LRRC37A2: variants seen among roughly 807,000 people sequenced by gnomAD.
LRRC37A2 encodes leucine-rich repeat-containing protein 37A2.
Under a neutral mutation model 68.8 loss-of-function variants are expected in LRRC37A2, and 9 were observed. The observed-to-expected ratio is 0.13, with a 90% CI of 0.08 to 0.23. The LOEUF (loss-of-function observed/expected upper bound fraction) is 0.23. Ranked by LOEUF, LRRC37A2 falls within the 10% of genes least tolerant of loss-of-function variation. The pLI is 1.00. For missense variants in LRRC37A2, 168 were observed against 950.4 expected (o/e 0.18, Z 10.82); for synonymous variants, 63 against 367.6 (o/e 0.17, Z 9.48).
At chr17:46,818,439 C>T in the LRRC37A2 span, 1 of 1,439,086 alleles carries the variant, frequency 6.9e-7, no homozygotes, top group East Asian at 2.5e-5. Flanking sequence ...CTGCAGCGGC[C>T]CACCCCCAGC....
the LRRC37A2 span, chr17:46,729,017 C>A: frequency 3.5e-6 from 3 of 851,356 alleles, no homozygotes; most frequent in Non-Finnish European, 3.6e-6. Context: ...TTTAAATAAG[C>A]AGGTTATCAT....
At chr17:46,853,544 G>T in the LRRC37A2 span, among the ~76,000 whole-genome samples, 1 of 151,564 alleles carries the variant, frequency 6.6e-6, no homozygotes, top group Non-Finnish European at 1.5e-5. Flanking sequence ...GCTAATTTTT[G>T]TATTTTTAGT....
the LRRC37A2 span, among the ~76,000 whole-genome samples, chr17:46,844,225 A>G: frequency 2.8e-4 from 43 of 151,666 alleles, no homozygotes; most frequent in African/African-American, 9.7e-4. Context: ...CCAGAATGCT[A>G]GGATTATAGG....
chr17:46,933,958 C>A, the LRRC37A2 span, among the ~76,000 whole-genome samples: 12 of 148,004 alleles, frequency 8.1e-5, no homozygotes, highest in Non-Finnish European at 1.3e-4. Flanking sequence ...AAAAAAAACA[C>A]GAAACAAACC....
the LRRC37A2 span, chr17:46,713,416 A>C: frequency 2.6e-5 from 4 of 156,688 alleles, no homozygotes; most frequent in African/African-American, 9.6e-5. Context: ...TTAGAATTCT[A>C]ACTTTTTACA....
the LRRC37A2 span, among the ~76,000 whole-genome samples, chr17:46,900,031 A>G: frequency 6.6e-6 from 1 of 151,218 alleles, no homozygotes; most frequent in African/African-American, 2.4e-5. Context: ...GGGCACAAGG[A>G]TCTGTATCTT....
chr17:46,551,398 T>C (rs1174888071), intron 11 of LRRC37A2, among the ~76,000 whole-genome samples: 1 of 150,368 alleles, frequency 6.7e-6, no homozygotes, highest in East Asian at 1.9e-4. Flanking sequence ...ACTTGCCTCA[T>C]TTACCATTTC....
chr17:46,819,383 G>C, the LRRC37A2 span, among the ~76,000 whole-genome samples: 1 of 152,144 alleles, frequency 6.6e-6, no homozygotes, highest in Non-Finnish European at 1.5e-5. This position sits in a 1 kb window ranked among gnomAD's most constrained non-coding sequence, Gnocchi z 5.3. Context: ...GATCGGTATC[G>C]GGACCTCCTG....
the LRRC37A2 span, among the ~76,000 whole-genome samples, chr17:46,741,375 T>C: frequency 6.6e-6 from 1 of 152,210 alleles, no homozygotes; most frequent in Non-Finnish European, 1.5e-5. Context: ...AAGGGTTCAG[T>C]TTCTCGTTTC....
chr17:46,943,943 C>T, the LRRC37A2 span, among the ~76,000 whole-genome samples: 2 of 152,076 alleles, frequency 1.3e-5, no homozygotes, highest in African/African-American at 4.8e-5. Context: ...AAGGCTAGGA[C>T]AGGCGTGACT....
the LRRC37A2 span, among the ~76,000 whole-genome samples, chr17:46,905,803 TGTGTGTGTGTGC>T: frequency 1.2e-4 from 13 of 106,924 alleles, no homozygotes; most frequent in South Asian, 9.2e-4. Flanking sequence ...TGTGTGTGTG[TGTGTGTGTGTGC>T]GTTTGTTGGG....
At chr17:47,028,628 G>A in the LRRC37A2 span, among the ~76,000 whole-genome samples, 1 of 152,176 alleles carries the variant, frequency 6.6e-6, no homozygotes, top group Non-Finnish European at 1.5e-5. Context: ...TAGCCTTATT[G>A]CTGGGCGGGG....
the LRRC37A2 span, among the ~76,000 whole-genome samples, chr17:46,807,151 A>C: frequency 1.3e-5 from 2 of 152,182 alleles, no homozygotes; most frequent in African/African-American, 4.8e-5. Context: ...CTCTGAAGAC[A>C]AGACCTTTGT....
the LRRC37A2 span, chr17:46,930,926 A>G: frequency 8.1e-6 from 5 of 621,106 alleles, no homozygotes; most frequent in South Asian, 6.0e-5. Flanking sequence ...TCAAAACAAC[A>G]TTTACGGCCT....
At chr17:47,022,784 T>C in the LRRC37A2 span, among the ~76,000 whole-genome samples, 1 of 152,218 alleles carries the variant, frequency 6.6e-6, no homozygotes, top group Non-Finnish European at 1.5e-5. Flanking sequence ...TAATCCATAG[T>C]ATGGATGCAT....
chr17:46,771,095 GC>G, the LRRC37A2 span, among the ~76,000 whole-genome samples: 1,195 of 152,316 alleles, frequency 7.8e-3, 24 homozygotes, highest in African/African-American at 0.027. Flanking sequence ...CAAGAAGGAA[GC>G]CCGGGACCCC....
the LRRC37A2 span, chr17:46,749,842 G>T: frequency 6.2e-7 from 1 of 1,614,126 alleles, no homozygotes; most frequent in Non-Finnish European, 8.5e-7. Context: ...AATGCTTAAC[G>T]CTTTCAGCAC....
the LRRC37A2 span, among the ~76,000 whole-genome samples, chr17:46,829,470 C>CA: frequency 2.0e-5 from 3 of 152,158 alleles, no homozygotes; most frequent in Non-Finnish European, 4.4e-5. Context: ...CGCCTGGCCT[C>CA]AATTTTTTAA....
the LRRC37A2 span, among the ~76,000 whole-genome samples, chr17:46,982,404 C>T: frequency 6.6e-6 from 1 of 152,172 alleles, no homozygotes; most frequent in African/African-American, 2.4e-5. Flanking sequence ...CCCACTCCAG[C>T]GAGTTGTGAG....
Sources: gnomAD v4.1 joint callset for allele counts (sites outside exome capture counted in the v4.1 genomes callset) on GRCh38, gnomAD v4.1.1 for gene constraint, Gnocchi (gnomAD v3.1) non-coding constraint, MANE v1.5 for transcripts, NCBI Gene and HGNC (gene_info 2026-07-23, HGNC 2026-07-21) for gene names.